The following PARD3B variants were observed in gnomAD, a reference collection of about 807,000 sequenced individuals.
The protein encoded by PARD3B is partitioning defective 3 homolog B.
PARD3B carries 103 observed loss-of-function variants against 130.2 expected under a neutral mutation model. That is an observed-to-expected ratio of 0.79 (90% CI 0.67 to 0.93). The LOEUF (loss-of-function observed/expected upper bound fraction) is 0.93, where lower values mean the gene tolerates loss of function less well. Ranked by LOEUF, PARD3B falls within the 40% of genes least tolerant of loss-of-function variation. The pLI is 0.00. For missense variants in PARD3B, 1,609 were observed against 1,499.2 expected, an observed-to-expected ratio of 1.07 and a Z score of -1.21; for synonymous variants, 583 against 553.2, an observed-to-expected ratio of 1.05 and a Z score of -0.76.
rs1265132437 is a variant in PARD3B at position 205,585,784 on chromosome 2, G to A, written c.3261-29672G>A. 6.6e-6 allele frequency among the ~76,000 whole-genome samples: 1 copy of A among 152,184 alleles called. No individual in the cohort carries two copies. Among genetic ancestry groups the A allele is most frequent in the African/African-American group, 2.4e-5 (1 of 41,448 alleles). ...CCCACCACATTTCAGGAAGGGCTTT[G>A]AACTGGATTTCGGTAGCTTTGTGGG... On this transcript the variant is annotated intron_variant, in intron 22 of 22. Coordinates refer to ENST00000406610, the MANE Select transcript of PARD3B (RefSeq NM_001302769.2). The surrounding 1 kb of genome is among the most constrained non-coding windows in gnomAD (Gnocchi z 5.4).
chr2:205,517,956 A>G (rs12470617), intron 21 of PARD3B, among the ~76,000 whole-genome samples: 62,802 of 151,906 alleles, frequency 0.41, 13,491 homozygotes, highest in Admixed American at 0.52. Context: ...TGTGTTTGTT[A>G]TGATTTTGGT....
At chr2:205,520,765 TTTAC>T (rs2051010321) in intron 21 of PARD3B, among the ~76,000 whole-genome samples, 1 of 152,142 alleles carries the variant, frequency 6.6e-6, no homozygotes, top group Non-Finnish European at 1.5e-5. Flanking sequence ...GTCATATTTT[TTTAC>T]TTTGTTATAT....
chr2:204,881,736 G>C (rs1041072477), intron 2 of PARD3B, among the ~76,000 whole-genome samples: 4 of 152,196 alleles, frequency 2.6e-5, no homozygotes, highest in African/African-American at 9.6e-5. Flanking sequence ...GGAGTAGTGG[G>C]AAAGGAGTAA....
In PARD3B at chr2:205,341,379, G is replaced by T. The variant is rs1183097255; in HGVS notation, c.2630+39678G>T. Among the ~76,000 whole-genome samples the T allele has an allele frequency of 6.6e-6, 1 of 152,058 alleles. No homozygotes were observed. The highest frequency in any genetic ancestry group is 2.4e-5 in the African/African-American group (1 of 41,428). ...CAGATGAGTAATTAAAGAAAATGTG[G>T]TATATATACACAATGGAATACTATT... On this transcript the variant is annotated intron_variant, in intron 18 of 22. Coordinates refer to ENST00000406610, the MANE Select transcript of PARD3B (RefSeq NM_001302769.2). This position sits in a 1 kb window ranked among gnomAD's most constrained non-coding sequence, Gnocchi z 4.3.
chr2:205,444,287 C>T (rs1246594149), intron 20 of PARD3B, among the ~76,000 whole-genome samples: 1 of 151,976 alleles, frequency 6.6e-6, no homozygotes, highest in Non-Finnish European at 1.5e-5. Flanking sequence ...CCGGCCTCTA[C>T]AAAAGTTTTT....
intron 18 of PARD3B, among the ~76,000 whole-genome samples, chr2:205,385,374 C>A (rs2045625473): frequency 6.6e-6 from 1 of 152,086 alleles, no homozygotes; most frequent in African/African-American, 2.4e-5. Context: ...GAAATCTTAA[C>A]AAAAACGTTT....
intron 1 of PARD3B, among the ~76,000 whole-genome samples, chr2:204,568,673 G>C (rs1012802198): frequency 5.9e-5 from 9 of 152,156 alleles, no homozygotes; most frequent in African/African-American, 1.9e-4. Context: ...AAAAATTACA[G>C]GCTGGTTTCG....
chr2:205,498,988 G>C (rs1451574177), intron 20 of PARD3B, among the ~76,000 whole-genome samples: 1 of 152,168 alleles, frequency 6.6e-6, no homozygotes, highest in Non-Finnish European at 1.5e-5. Context: ...GGACTGTGAA[G>C]TGTTCCTTTT....
intron 11 of PARD3B, among the ~76,000 whole-genome samples, chr2:205,170,025 G>A (rs4255946): frequency 0.33 from 49,123 of 149,826 alleles, 8,384 homozygotes; most frequent in Middle Eastern, 0.5. Flanking sequence ...CCGCCTCCTC[G>A]GTTCAAGCGA....
rs768008023 is a variant in PARD3B at position 205,124,364 on chromosome 2, C to G, written c.1203C>G (p.Asp401Glu). The G allele has an allele frequency of 1.1e-5, 18 of 1,595,122 alleles. No individual in the cohort carries two copies. The highest frequency in any genetic ancestry group is 2.3e-5 in the South Asian group (2 of 87,496). ...TTGGTTTCACTGTGGTTACCAGAGA[C>G]TCTTCCATACATGGTCCCGGTCCCA... ...EGLGFTVVTR[D>E]SSIHGPGPIF... The change falls in exon 9 of 23, where the codon GAC (aspartate) becomes GAG (glutamate). Residue 401 changes from aspartate (D) to glutamate (E), a missense_variant. By Grantham distance (45) the Asp-to-Glu change is conservative. Coordinates refer to ENST00000406610, the MANE Select transcript of PARD3B (RefSeq NM_001302769.2).
At chr2:205,277,601 A>T (rs1054418522) in intron 16 of PARD3B, among the ~76,000 whole-genome samples, 3 of 152,168 alleles carry the variant, frequency 2.0e-5, no homozygotes, top group African/African-American at 7.2e-5. Context: ...GAGAGGAGAG[A>T]ACAGAATCTT....
chr2:204,867,011 A>G (rs549553925), intron 2 of PARD3B, among the ~76,000 whole-genome samples: 28 of 152,168 alleles, frequency 1.8e-4, no homozygotes, highest in Admixed American at 1.7e-3. Flanking sequence ...AGAGGTTGCA[A>G]TGAGCCAAGA....
intron 2 of PARD3B, among the ~76,000 whole-genome samples, chr2:204,839,172 T>C (rs751368496): frequency 6.1e-4 from 93 of 152,178 alleles, no homozygotes; most frequent in Non-Finnish European, 1.2e-3. Flanking sequence ...CTACAGTTAG[T>C]GTTTTGGAGT....
chr2:205,362,713 T>A (rs1008395142), intron 18 of PARD3B, among the ~76,000 whole-genome samples: 42 of 152,338 alleles, frequency 2.8e-4, no homozygotes, highest in African/African-American at 8.2e-4. Context: ...GTGACATAAA[T>A]TCTGCGAGAT....
chr2:204,716,060 G>A (rs1574793727), intron 2 of PARD3B, among the ~76,000 whole-genome samples: 1 of 152,124 alleles, frequency 6.6e-6, no homozygotes, highest in African/African-American at 2.4e-5. Flanking sequence ...CAGCCAATGA[G>A]TACTTTAAAT....
chr2:205,531,238 G>A (rs1258326767), intron 21 of PARD3B, among the ~76,000 whole-genome samples: 1 of 152,104 alleles, frequency 6.6e-6, no homozygotes. Context: ...CCTCATTAGA[G>A]ACAATTAAGA....
At chr2:205,594,362 G>A (rs943478304) in intron 22 of PARD3B, among the ~76,000 whole-genome samples, 1 of 152,160 alleles carries the variant, frequency 6.6e-6, no homozygotes, top group Non-Finnish European at 1.5e-5. Flanking sequence ...GGAAATTTTA[G>A]TCTGCCTCTC....
At chr2:204,905,815 G>C (rs1021495279) in intron 2 of PARD3B, among the ~76,000 whole-genome samples, 1 of 152,142 alleles carries the variant, frequency 6.6e-6, no homozygotes. Flanking sequence ...CACTTAAAAG[G>C]GTTAGTCGGG....
chr2:205,423,357 A>G (rs1327349746), intron 19 of PARD3B, among the ~76,000 whole-genome samples: 2 of 152,158 alleles, frequency 1.3e-5, no homozygotes, highest in Non-Finnish European at 2.9e-5. Flanking sequence ...TAGTTTGCAG[A>G]CCTGACGGAC....
Sources: allele counts gnomAD v4.1 joint callset (sites outside exome capture counted in the v4.1 genomes callset), GRCh38; gene constraint gnomAD v4.1.1; non-coding constraint Gnocchi (gnomAD v3.1); transcripts MANE v1.5; gene names NCBI Gene and HGNC (gene_info 2026-07-23, HGNC 2026-07-21).